Variants in TCERG1 observed in about 807,000 individuals in gnomAD.
The protein encoded by TCERG1 is TATA box binding protein (TBP)-associated factor, RNA polymerase II, S, 150kD.
TCERG1 carries 37 observed loss-of-function variants against 144.7 expected under a neutral mutation model. The observed-to-expected ratio is 0.26, with a 90% CI of 0.20 to 0.34. TCERG1 has a LOEUF of 0.34. Among genes scored for constraint, TCERG1 ranks in the 10% least tolerant of loss-of-function variants. TCERG1 has a pLI of 1.00. For synonymous variants in TCERG1, 492 were observed against 458.2 expected (o/e 1.07, Z -0.94); for missense variants, 1,027 against 1,380.7 (o/e 0.74, Z 4.06).
At position 146,455,180 on chromosome 5, in the gene TCERG1, C is replaced by A. The variant is rs1354325997; in HGVS notation, c.184C>A (p.Pro62Thr). The A allele has an allele frequency of 6.2e-7, 1 of 1,614,232 alleles. No homozygotes were observed. Among genetic ancestry groups the A allele is most frequent in the Non-Finnish European group, 8.5e-7 (1 of 1,180,040 alleles). Reference protein sequence around the residue: ...PFGMMRGPPPPPRPPFGRPPF... With the variant: ...PFGMMRGPPPTPRPPFGRPPF... ...TGGTATGATGCGAGGCCCTCCTCCA[C>A]CACCACGGCCGCCCTTTGGACGTCC... Residue 62 changes from proline to threonine, a missense_variant, in exon 2 of 23, where the codon CCA becomes ACA. Transcript: ENST00000679501.
chr5:146,468,042 G>C (rs1214895878), intron 5 of TCERG1, among the ~76,000 whole-genome samples: 1 of 152,134 alleles, frequency 6.6e-6, no homozygotes, highest in Non-Finnish European at 1.5e-5. Context: ...ATGAGAATTT[G>C]TTATGTATGT....
intron 9 of TCERG1, among the ~76,000 whole-genome samples, chr5:146,476,694 A>G (rs1028655053): frequency 2.6e-5 from 4 of 152,142 alleles, no homozygotes; most frequent in South Asian, 4.1e-4. Context: ...AACCCCCTCA[A>G]TTTGGAGCTT....
intron 2 of TCERG1, among the ~76,000 whole-genome samples, chr5:146,456,026 G>A (rs1762805726): frequency 6.6e-6 from 1 of 152,046 alleles, no homozygotes; most frequent in Admixed American, 6.6e-5. Context: ...TAAATATAGT[G>A]GTATCATCTG....
chr5:146,448,028 G>T (rs879621795), intron 1 of TCERG1, among the ~76,000 whole-genome samples: 1 of 152,114 alleles, frequency 6.6e-6, no homozygotes, highest in Admixed American at 6.5e-5. Flanking sequence ...GGCACTTACC[G>T]TGTGCCAGTA....
chr5:146,487,641 G>T (rs530363537), intron 15 of TCERG1, among the ~76,000 whole-genome samples: 1 of 151,716 alleles, frequency 6.6e-6, no homozygotes, highest in African/African-American at 2.4e-5. Context: ...AGACTAAGGT[G>T]TGGGGATCAC....
At chr5:146,467,521 G>C (rs1763897435) in intron 5 of TCERG1, among the ~76,000 whole-genome samples, 1 of 152,060 alleles carries the variant, frequency 6.6e-6, no homozygotes, top group Non-Finnish European at 1.5e-5. Context: ...ATCATGATGA[G>C]TCTTCATTCT....
chr5:146,467,315 A>G (rs1006796137), intron 5 of TCERG1, among the ~76,000 whole-genome samples: 10 of 152,134 alleles, frequency 6.6e-5, no homozygotes, highest in Admixed American at 4.6e-4. Context: ...TATTGTTACT[A>G]TTTTTAATTT....
chr5:146,468,200 A>T (rs1763965910), intron 5 of TCERG1, 141 bp from the exon 6 acceptor site: 1 of 628,782 alleles, frequency 1.6e-6, no homozygotes, highest in African/African-American at 1.9e-5. Flanking sequence ...TGTCAAACAG[A>T]AAGAAATTTT....
At chr5:146,510,403 G>T in intron 22 of TCERG1, 38 bp from the exon 23 acceptor site, 3 of 1,444,272 alleles carry the variant, frequency 2.1e-6, no homozygotes, top group Non-Finnish European at 1.9e-6. Context: ...CCTGTGAACA[G>T]CAGTCAGTAA....
At chr5:146,500,741 C>A (rs950937357) in intron 17 of TCERG1, among the ~76,000 whole-genome samples, 1 of 152,028 alleles carries the variant, frequency 6.6e-6, no homozygotes. Flanking sequence ...TACTTATTGA[C>A]CAGGAGTGGT....
intron 1 of TCERG1, 102 bp from the exon 2 acceptor site, chr5:146,454,954 A>C: frequency 7.9e-7 from 1 of 1,265,258 alleles, no homozygotes. Flanking sequence ...AACTCCACTT[A>C]GACTTAAGAA....
chr5:146,471,276 A>C (rs1198206746), intron 8 of TCERG1, among the ~76,000 whole-genome samples: 1 of 152,218 alleles, frequency 6.6e-6, no homozygotes, highest in East Asian at 1.9e-4. Context: ...TCTATAAGAT[A>C]GGACAAGCTG....
intron 16 of TCERG1, among the ~76,000 whole-genome samples, chr5:146,493,558 T>TAA (rs1259264717): frequency 6.6e-6 from 1 of 152,144 alleles, no homozygotes; most frequent in Non-Finnish European, 1.5e-5. Flanking sequence ...GTATTTTATG[T>TAA]GCTTATTTGC....
At chr5:146,482,505 T>A in intron 13 of TCERG1, 87 bp from the exon 14 acceptor site, 2 of 1,391,116 alleles carry the variant, frequency 1.4e-6, no homozygotes, top group Non-Finnish European at 1.9e-6. Context: ...GTAGTGAGTC[T>A]TGAAAATTCC....
At chr5:146,456,033 T>A (rs1762806730) in intron 2 of TCERG1, among the ~76,000 whole-genome samples, 1 of 152,180 alleles carries the variant, frequency 6.6e-6, no homozygotes, top group Admixed American at 6.5e-5. Context: ...AGTGGTATCA[T>A]CTGCCTTCCA....
At chr5:146,479,041 CA>C (rs1765103339) in intron 10 of TCERG1, among the ~76,000 whole-genome samples, 1 of 152,060 alleles carries the variant, frequency 6.6e-6, no homozygotes, top group African/African-American at 2.4e-5. Flanking sequence ...TTTAAAAATA[CA>C]AAATCTCAAT....
chr5:146,479,574 T>G lies in TCERG1; in HGVS notation c.1763-281T>G, dbSNP rs1031241224. ...TGATTCATTCATTTGATAAATACAT[T>G]AACGTGCATTGTTAAAAGGTACTGT... is the stretch of plus-strand genomic sequence containing the variant. On this transcript the variant is annotated intron_variant, in intron 10 of 22. Coordinates refer to ENST00000679501, the MANE Select transcript of TCERG1 (RefSeq NM_001382548.1). Among the ~76,000 whole-genome samples, 16 of 152,344 alleles carry G rather than the reference T, an allele frequency of 1.1e-4. 1 individual carries two copies. In the South Asian group the frequency reaches 3.3e-3, roughly 32 times the overall value.
intron 21 of TCERG1, 132 bp from the exon 22 acceptor site, chr5:146,509,013 G>C: frequency 2.0e-6 from 1 of 511,822 alleles, no homozygotes; most frequent in East Asian, 3.2e-5. Flanking sequence ...AATGTACCCT[G>C]TTGCCTTTTT....
chr5:146,500,616 C>G (rs572211813), intron 17 of TCERG1, among the ~76,000 whole-genome samples: 1 of 152,234 alleles, frequency 6.6e-6, no homozygotes, highest in South Asian at 2.1e-4. Flanking sequence ...TGGTGAAATT[C>G]TTGTTTTTCT....
Sources: gnomAD v4.1 joint callset for allele counts (sites outside exome capture counted in the v4.1 genomes callset) on GRCh38, gnomAD v4.1.1 for gene constraint, MANE v1.5 for transcripts, NCBI Gene and HGNC (gene_info 2026-07-23, HGNC 2026-07-21) for gene names.